Variants in BLTP3A observed in about 807,000 individuals in gnomAD.
BLTP3A encodes the protein bridge-like lipid transfer protein family member 3A, also known as ICBP90 binding protein 1.
chr6:34,818,272 C>T, the BLTP3A span, among the ~76,000 whole-genome samples: 1 of 152,066 alleles, frequency 6.6e-6, no homozygotes, highest in Non-Finnish European at 1.5e-5. Flanking sequence ...AGTTTGAGAC[C>T]AGCCTGGGCA....
chr6:34,864,522 C>CTTTTTTTTTTTTT, the BLTP3A span, among the ~76,000 whole-genome samples: 1 of 109,424 alleles, frequency 9.1e-6, no homozygotes, highest in Non-Finnish European at 1.8e-5. Context: ...TGCTTATAGT[C>CTTTTTTTTTTTTT]TTTTTTTTTT....
At chr6:34,837,219 C>T in the BLTP3A span, among the ~76,000 whole-genome samples, 1 of 152,162 alleles carries the variant, frequency 6.6e-6, no homozygotes, top group Non-Finnish European at 1.5e-5. Context: ...CTTATCTTCT[C>T]TAAAGGCTTT....
chr6:34,858,396 T>C, the BLTP3A span: 1 of 1,614,180 alleles, frequency 6.2e-7, no homozygotes. Context: ...CTCAGCCTAA[T>C]ACCCTCCCTC....
the BLTP3A span, among the ~76,000 whole-genome samples, chr6:34,847,595 T>C: frequency 6.6e-6 from 1 of 152,028 alleles, no homozygotes; most frequent in East Asian, 1.9e-4. Context: ...TTGCTCATGG[T>C]AGTCTCTACT....
the BLTP3A span, among the ~76,000 whole-genome samples, chr6:34,829,259 G>A: frequency 6.6e-6 from 1 of 152,004 alleles, no homozygotes; most frequent in South Asian, 2.1e-4. Context: ...GTCACTCCTC[G>A]TTCTTCCCTG....
chr6:34,809,950 T>C, the BLTP3A span, among the ~76,000 whole-genome samples: 1 of 152,324 alleles, frequency 6.6e-6, no homozygotes, highest in East Asian at 1.9e-4. Context: ...TTATATATTG[T>C]ATTCTTACAA....
At chr6:34,868,373 C>A in the BLTP3A span, among the ~76,000 whole-genome samples, 1 of 151,772 alleles carries the variant, frequency 6.6e-6, no homozygotes, top group African/African-American at 2.4e-5. Context: ...AATCCCAGCA[C>A]GCTGGGAAGC....
At chr6:34,856,798 T>G in the BLTP3A span, 7 of 1,613,092 alleles carry the variant, frequency 4.3e-6, no homozygotes, top group Non-Finnish European at 5.9e-6. Flanking sequence ...AGATTCTCTT[T>G]CCAGTCCTCG....
the BLTP3A span, among the ~76,000 whole-genome samples, chr6:34,847,845 G>T: frequency 7.1e-6 from 1 of 141,574 alleles, no homozygotes. Context: ...TTTGGATTTG[G>T]TGTCCTTGCT....
the BLTP3A span, among the ~76,000 whole-genome samples, chr6:34,855,253 G>C: frequency 6.6e-6 from 1 of 152,170 alleles, no homozygotes; most frequent in East Asian, 1.9e-4. Flanking sequence ...GTGTTGTGTT[G>C]AGGGAAAATA....
the BLTP3A span, among the ~76,000 whole-genome samples, chr6:34,838,431 A>C: frequency 6.6e-6 from 1 of 152,194 alleles, no homozygotes. Flanking sequence ...ATCCTGTTTC[A>C]AGCTTGGCAC....
At chr6:34,853,573 C>T in the BLTP3A span, among the ~76,000 whole-genome samples, 1,269 of 151,842 alleles carry the variant, frequency 8.4e-3, 17 homozygotes, top group African/African-American at 0.027. Flanking sequence ...CTTTTCTTTT[C>T]TTTTTTTGAG....
chr6:34,824,034 C>T, the BLTP3A span, among the ~76,000 whole-genome samples: 1 of 150,032 alleles, frequency 6.7e-6, no homozygotes. Context: ...CATCTGCCTC[C>T]CAGGCTCAAG....
At chr6:34,876,453 A>T in the BLTP3A span, 1 of 152,190 alleles carries the variant, frequency 6.6e-6, no homozygotes, top group African/African-American at 2.4e-5. Flanking sequence ...CAAAGAAGGT[A>T]GTTTGAAATA....
chr6:34,861,894 A>G, the BLTP3A span, among the ~76,000 whole-genome samples: 4 of 152,128 alleles, frequency 2.6e-5, no homozygotes, highest in Non-Finnish European at 5.9e-5. Context: ...TGAATACATG[A>G]TTTTTAATTG....
chr6:34,803,922 T>A, the BLTP3A span, among the ~76,000 whole-genome samples: 1 of 152,230 alleles, frequency 6.6e-6, no homozygotes, highest in Non-Finnish European at 1.5e-5. Context: ...TTTCTTTTTC[T>A]TTCTTTTTTA....
At chr6:34,818,565 G>C in the BLTP3A span, among the ~76,000 whole-genome samples, 1 of 152,084 alleles carries the variant, frequency 6.6e-6, no homozygotes, top group South Asian at 2.1e-4. Context: ...AGAAAAATTT[G>C]TTACAAAATA....
At chr6:34,814,113 T>C in the BLTP3A span, among the ~76,000 whole-genome samples, 2 of 152,070 alleles carry the variant, frequency 1.3e-5, no homozygotes, top group East Asian at 1.9e-4. Flanking sequence ...ACCTCCTGGG[T>C]TCAAGCAATT....
chr6:34,842,478 A>G, the BLTP3A span, among the ~76,000 whole-genome samples: 2 of 152,042 alleles, frequency 1.3e-5, no homozygotes, highest in East Asian at 1.9e-4. Context: ...ATATTTGCCT[A>G]TTCTGGAAAT....
Sources: gnomAD v4.1 joint callset for allele counts (sites outside exome capture counted in the v4.1 genomes callset) on GRCh38, gnomAD v4.1.1 for gene constraint, MANE v1.5 for transcripts, NCBI Gene and HGNC (gene_info 2026-07-23, HGNC 2026-07-21) for gene names.